MEI1: variants seen among roughly 807,000 people sequenced by gnomAD.
MEI1 encodes the protein meiosis inhibitor protein 1.
In MEI1, 103 loss-of-function variants were observed where a neutral mutation model predicts 146.2. That is an observed-to-expected ratio of 0.70 (90% CI 0.60 to 0.83). The LOEUF is 0.83. Among genes scored for constraint, MEI1 ranks in the 40% least tolerant of loss-of-function variants. The pLI is 0.00. For synonymous variants in MEI1, 652 were observed against 628.2 expected (o/e 1.04, Z -0.57); for missense variants, 1,529 against 1,533.0 (o/e 1.00, Z 0.04).
intron 3 of MEI1, 87 bp from the exon 4 acceptor site, chr22:41,713,915 C>G (rs2069847879): frequency 1.8e-6 from 2 of 1,087,538 alleles, no homozygotes; most frequent in Non-Finnish European, 2.8e-6. Flanking sequence ...AAATCACTAT[C>G]CTGCACTGAT....
In MEI1 at chr22:41,770,908, G is replaced by A; in HGVS notation, c.2491G>A (p.Val831Ile). The A allele has an allele frequency of 1.2e-6, 2 of 1,614,034 alleles. No homozygotes were observed. The highest frequency in any genetic ancestry group is 1.7e-6 in the Non-Finnish European group (2 of 1,179,902). Residue 831 changes from valine (V) to isoleucine (I), a missense_variant, in exon 20 of 31, where the codon GTA (valine) becomes ATA (isoleucine). Around this residue, in one of 3 missense-constraint regions of MEI1, gnomAD observed 1,212 missense variants for 1,178.9 expected, o/e 1.03. Transcript: ENST00000401548. ...AGQPALPASL[V>I]VLFQLLRSIP... ...GCAGCCCGCCCTTCCTGCCAGCTTA[G>A]TAGTCCTGTTCCAGTTGCTCAGAAG...
intron 9 of MEI1, among the ~76,000 whole-genome samples, chr22:41,731,872 C>A (rs1167736882): frequency 1.3e-5 from 2 of 152,058 alleles, no homozygotes; most frequent in East Asian, 3.9e-4. Flanking sequence ...TGTGGGGGCT[C>A]AGGGGAGGTT....
At chr22:41,706,739 C>T (rs559589794) in intron 3 of MEI1, among the ~76,000 whole-genome samples, 8 of 151,154 alleles carry the variant, frequency 5.3e-5, no homozygotes, top group South Asian at 4.2e-4. Flanking sequence ...CAAAAATTGT[C>T]GAAGCGCATG....
At position 41,784,658 on chromosome 22, in the gene MEI1, G is replaced by GC; in HGVS notation, c.3223dup (p.Leu1075ProfsTer59). ...AGCCCTGCGACAAAGCTTTTCCTCT[G>GC]CCCTGGTAGCCCTGGTGCCCTCAGG... On this transcript the variant is annotated frameshift_variant, in exon 26 of 31. Transcript: ENST00000401548. LOFTEE classifies it high-confidence loss of function. 1 of 1,613,650 alleles carries GC rather than the reference G, an allele frequency of 6.2e-7. No homozygotes were observed. The highest frequency in any genetic ancestry group is 1.6e-4 in the Middle Eastern group (1 of 6,062).
chr22:41,758,314 C>T, intron 17 of MEI1, 51 bp from the exon 18 acceptor site: 4 of 1,563,858 alleles, frequency 2.6e-6, no homozygotes, highest in South Asian at 1.2e-5. Context: ...TGCTGATTAC[C>T]TGTTCTTCTA....
At chr22:41,776,711 A>G (rs1264302405) in intron 21 of MEI1, among the ~76,000 whole-genome samples, 2 of 152,206 alleles carry the variant, frequency 1.3e-5, no homozygotes, top group Non-Finnish European at 2.9e-5. Context: ...AATGGTACTC[A>G]CTGGAGTCAA....
intron 3 of MEI1, among the ~76,000 whole-genome samples, chr22:41,711,830 G>A (rs984053621): frequency 1.3e-5 from 2 of 151,936 alleles, no homozygotes. Flanking sequence ...TGTAATAATT[G>A]GCTATAGGAA....
chr22:41,724,131 C>T (rs1329015442), intron 7 of MEI1, 58 bp downstream of exon 7: 11 of 1,594,918 alleles, frequency 6.9e-6, no homozygotes, highest in Non-Finnish European at 2.6e-6. Flanking sequence ...CCAAGTGCTT[C>T]TTGGGCCTTG....
At chr22:41,714,682 C>T (rs553510540) in intron 4 of MEI1, among the ~76,000 whole-genome samples, 5 of 150,360 alleles carry the variant, frequency 3.3e-5, no homozygotes, top group Non-Finnish European at 5.9e-5. Context: ...ATCAGCCTGG[C>T]CATTATGGTG....
Position 41,718,189 on chromosome 22 carries a change from A to G in MEI1, c.648A>G (p.Ser216=). The G allele has an allele frequency of 1.2e-6, 2 of 1,613,990 alleles. No individual in the cohort carries two copies. The highest frequency in any genetic ancestry group is 1.7e-5 in the Admixed American group (1 of 60,008). ...CACCAGTGGCAGCTGAGATGCTTTC[A>G]GGACACTTCCGTGAGAAGCTTTTTC... is the stretch of plus-strand genomic sequence containing the variant. ...YSSPVAAEML[S]GHFREKLFPL... The change falls in exon 6 of 31, where the codon TCA becomes TCG. Residue 216 remains serine, a synonymous_variant. Coordinates refer to ENST00000401548, the MANE Select transcript of MEI1 (RefSeq NM_152513.4).
intron 3 of MEI1, among the ~76,000 whole-genome samples, chr22:41,712,199 C>T (rs1402501418): frequency 2.1e-3 from 3 of 1,404 alleles, no homozygotes; most frequent in African/African-American, 0.016. Flanking sequence ...AGTAAAACTC[C>T]GGCTCAAAAA....
intron 7 of MEI1, among the ~76,000 whole-genome samples, chr22:41,728,029 A>G (rs2071519278): frequency 1.3e-5 from 2 of 152,324 alleles, no homozygotes; most frequent in East Asian, 3.9e-4. Context: ...GACCGCCGGC[A>G]TATACCCAGA....
chr22:41,712,073 G>A (rs1435983606), intron 3 of MEI1, among the ~76,000 whole-genome samples: 20 of 150,608 alleles, frequency 1.3e-4, no homozygotes, highest in East Asian at 2.0e-4. Context: ...CGTGGGGGGC[G>A]GGTGCCTGTA....
At chr22:41,793,776 C>G (rs1253817267) in intron 26 of MEI1, 53 bp from the exon 27 acceptor site, 3 of 1,491,032 alleles carry the variant, frequency 2.0e-6, no homozygotes, top group Non-Finnish European at 2.7e-6. Context: ...TGGTTGGCAC[C>G]AAAAGCCATT....
intron 14 of MEI1, among the ~76,000 whole-genome samples, 196 bp downstream of exon 14, chr22:41,746,222 C>A (rs542092115): frequency 6.6e-6 from 1 of 152,236 alleles, no homozygotes; most frequent in African/African-American, 2.4e-5. Flanking sequence ...ACAGGTTCAT[C>A]TTAAGAAAAA....
chr22:41,710,088 A>G (rs1243279094), intron 3 of MEI1, among the ~76,000 whole-genome samples: 1 of 152,050 alleles, frequency 6.6e-6, no homozygotes, highest in Admixed American at 6.6e-5. Context: ...GGCAATTAGG[A>G]TGGACCCTAA....
Position 41,718,023 on chromosome 22 carries a change from G to A in MEI1, c.530-48G>A, listed in dbSNP as rs73887777. On this transcript the variant is annotated intron_variant, in intron 5 of 30. Coordinates refer to ENST00000401548, the MANE Select transcript of MEI1 (RefSeq NM_152513.4). ...TAATAGATTGGAGTTTCATATAGCAGTTGACATTGTGAAATTTCCCTTGGC... is the reference window on the plus strand; with the variant it reads ...TAATAGATTGGAGTTTCATATAGCAATTGACATTGTGAAATTTCCCTTGGC... The A allele has an allele frequency of 2.0e-3, 2,816 of 1,443,200 alleles. 39 individuals carry two copies. In the African/African-American group the frequency reaches 0.036, roughly 18 times the overall value. The allele number at this position is 1,443,200 out of a possible 1,614,324, so 89.4% of individuals were successfully genotyped here. A position where few individuals can be genotyped will look rare whatever the true frequency, so the allele number is the denominator to read the frequency against.
intron 3 of MEI1, among the ~76,000 whole-genome samples, chr22:41,710,561 G>A (rs2069459598): frequency 6.6e-6 from 1 of 152,152 alleles, no homozygotes; most frequent in Non-Finnish European, 1.5e-5. Flanking sequence ...TGGAATAACT[G>A]AGTCTTCAGA....
intron 20 of MEI1, among the ~76,000 whole-genome samples, chr22:41,775,151 CTT>C (rs2075376139): frequency 6.6e-6 from 1 of 152,160 alleles, no homozygotes; most frequent in Non-Finnish European, 1.5e-5. Flanking sequence ...CTGGCTTTGT[CTT>C]TAACATATAC....
Sources: gnomAD v4.1 joint callset for allele counts (sites outside exome capture counted in the v4.1 genomes callset) on GRCh38, gnomAD v4.1.1 for gene constraint, gnomAD v4.1.1 regional missense constraint, MANE v1.5 for transcripts, NCBI Gene and HGNC (gene_info 2026-07-23, HGNC 2026-07-21) for gene names.